The following UST variants were observed in gnomAD, a reference collection of about 807,000 sequenced individuals.
UST encodes chondroitin sulfate 2-O-sulfotransferase.
Under a neutral mutation model 45.6 loss-of-function variants are expected in UST, and 21 were observed. That is an observed-to-expected ratio of 0.46 (90% CI 0.33 to 0.66). The LOEUF (loss-of-function observed/expected upper bound fraction) is 0.66. UST is among the 30% of genes least tolerant of loss of function. UST has a pLI of 0.02. For missense variants in UST, 463 were observed against 512.4 expected, an observed-to-expected ratio of 0.90 and a Z score of 0.93; for synonymous variants, 215 against 200.6, an observed-to-expected ratio of 1.07 and a Z score of -0.61.
chr6:148,751,402 G>T (rs944216422), intron 1 of UST, among the ~76,000 whole-genome samples: 1 of 152,172 alleles, frequency 6.6e-6, no homozygotes, highest in Admixed American at 6.5e-5. Context: ...GTAGGCTGAC[G>T]TGGGGCAACC....
chr6:148,783,259 A>G (rs186535376), intron 1 of UST, among the ~76,000 whole-genome samples: 3 of 152,360 alleles, frequency 2.0e-5, no homozygotes, highest in African/African-American at 7.2e-5. Flanking sequence ...ATAGTGTAAC[A>G]TAAACATAAC....
intron 5 of UST, among the ~76,000 whole-genome samples, chr6:148,998,451 C>G (rs750812537): frequency 1.3e-5 from 2 of 152,194 alleles, no homozygotes; most frequent in Non-Finnish European, 2.9e-5. Flanking sequence ...CTCTGGCCTA[C>G]GTTTTATAAA....
chr6:148,832,564 G>C (rs1777709857), intron 1 of UST, among the ~76,000 whole-genome samples: 1 of 152,192 alleles, frequency 6.6e-6, no homozygotes, highest in Non-Finnish European at 1.5e-5. Flanking sequence ...TGCCGCGTTA[G>C]GTTGGGGTGA....
At chr6:149,023,001 C>T (rs528927104) in intron 7 of UST, among the ~76,000 whole-genome samples, 60 of 152,126 alleles carry the variant, frequency 3.9e-4, no homozygotes, top group Middle Eastern at 3.4e-3. Context: ...ACATAAACTC[C>T]GTTCTTTGTG....
intron 1 of UST, among the ~76,000 whole-genome samples, chr6:148,775,013 T>G (rs1397702900): frequency 1.3e-5 from 2 of 152,066 alleles, no homozygotes; most frequent in Non-Finnish European, 2.9e-5. Flanking sequence ...AGAGTGAGAC[T>G]TCATCTCAAA....
chr6:148,773,946 C>G (rs899497054), intron 1 of UST, among the ~76,000 whole-genome samples: 4 of 152,210 alleles, frequency 2.6e-5, no homozygotes, highest in Non-Finnish European at 5.9e-5. Flanking sequence ...CCAATTCCCA[C>G]CAGCTTCCCT....
chr6:148,853,327 A>T (rs1582852803), intron 1 of UST, among the ~76,000 whole-genome samples: 1 of 152,076 alleles, frequency 6.6e-6, no homozygotes, highest in South Asian at 2.1e-4. Context: ...GTGTATATGT[A>T]CCACATTTTC....
At chr6:149,013,963 A>G (rs959216640) in intron 5 of UST, among the ~76,000 whole-genome samples, 2 of 152,236 alleles carry the variant, frequency 1.3e-5, no homozygotes, top group African/African-American at 4.8e-5. Context: ...CCACCTGGGA[A>G]TTTCTTCCTT....
chr6:148,885,905 A>C (rs944635706), intron 1 of UST, among the ~76,000 whole-genome samples: 1 of 152,212 alleles, frequency 6.6e-6, no homozygotes, highest in Non-Finnish European at 1.5e-5. Context: ...GTATTCTTGC[A>C]GTTCCGTTCC....
At chr6:148,982,144 G>A (rs999911130) in intron 5 of UST, among the ~76,000 whole-genome samples, 77 of 151,650 alleles carry the variant, frequency 5.1e-4, no homozygotes, top group African/African-American at 1.8e-3. Context: ...TGTCACCCAG[G>A]CTAGAATGCC....
intron 1 of UST, among the ~76,000 whole-genome samples, chr6:148,832,573 G>A (rs1777710050): frequency 6.6e-6 from 1 of 152,238 alleles, no homozygotes; most frequent in Non-Finnish European, 1.5e-5. Flanking sequence ...AGGTTGGGGT[G>A]ATGGTGTCAG....
chr6:148,983,872 G>A (rs535260493), intron 5 of UST, among the ~76,000 whole-genome samples: 8 of 152,292 alleles, frequency 5.3e-5, no homozygotes, highest in Admixed American at 3.9e-4. Flanking sequence ...AATCACCATA[G>A]GAGACCCTAT....
At chr6:149,010,639 A>G (rs952673551) in intron 5 of UST, among the ~76,000 whole-genome samples, 2 of 152,050 alleles carry the variant, frequency 1.3e-5, no homozygotes, top group African/African-American at 4.8e-5. Context: ...TCATGCCTGT[A>G]GTCTCAGCAC....
At chr6:148,753,922 T>G (rs1776038443) in intron 1 of UST, among the ~76,000 whole-genome samples, 1 of 152,148 alleles carries the variant, frequency 6.6e-6, no homozygotes, top group Admixed American at 6.6e-5. Flanking sequence ...ATTAATGATG[T>G]CGAGTATCTT....
chr6:148,888,349 A>G (rs751084515), intron 2 of UST, among the ~76,000 whole-genome samples: 29 of 152,264 alleles, frequency 1.9e-4, no homozygotes, highest in Non-Finnish European at 3.4e-4. Context: ...GACACTGGGG[A>G]TGACAATTAG....
At chr6:148,880,419 A>G (rs111793266) in intron 1 of UST, among the ~76,000 whole-genome samples, 2 of 152,228 alleles carry the variant, frequency 1.3e-5, no homozygotes, top group Admixed American at 6.5e-5. Flanking sequence ...CTAGAATCAG[A>G]CTTCACATGA....
At chr6:148,891,453 G>T (rs1341259744) in intron 2 of UST, among the ~76,000 whole-genome samples, 1 of 152,182 alleles carries the variant, frequency 6.6e-6, no homozygotes, top group Admixed American at 6.5e-5. Context: ...ACTATGCTAA[G>T]CACTTTGCAT....
chr6:149,074,038 T>A lies in UST; in HGVS notation c.1143T>A (p.Thr381=). ...TGAGGCCACACTTCTTTATCCCAAC[T>A]CCACTGGAAACCGAGGAGCCAATCG... The part of the protein sequence containing the change: ...PPLRPHFFIP[T]PLETEEPIDD... Residue 381 remains threonine (T), a synonymous_variant, in exon 8 of 8, where the codon ACT becomes ACA. Transcript: ENST00000367463. The A allele has an allele frequency of 6.2e-7, 1 of 1,614,076 alleles. No homozygotes were observed. Among genetic ancestry groups the A allele is most frequent in the Non-Finnish European group, 8.5e-7 (1 of 1,180,006 alleles).
chr6:148,806,985 A>G (rs1263034369), intron 1 of UST, among the ~76,000 whole-genome samples: 3 of 152,178 alleles, frequency 2.0e-5, no homozygotes, highest in Non-Finnish European at 4.4e-5. Context: ...TGCAAGAGCA[A>G]TTCAATCAAT....
Sources: allele counts gnomAD v4.1 joint callset (sites outside exome capture counted in the v4.1 genomes callset), GRCh38; gene constraint gnomAD v4.1.1; transcripts MANE v1.5; gene names NCBI Gene and HGNC (gene_info 2026-07-23, HGNC 2026-07-21).